OTOGL: variants seen among roughly 807,000 people sequenced by gnomAD.
The protein encoded by OTOGL is otogelin-like protein.
In OTOGL, 285 loss-of-function variants were observed where a neutral mutation model predicts 318.5. That is an observed-to-expected ratio of 0.89 (90% CI 0.81 to 0.99). The LOEUF is 0.99. Ranked by LOEUF, OTOGL falls within the 50% of genes least tolerant of loss-of-function variation. The pLI, the probability that OTOGL is intolerant of heterozygous loss-of-function variation, is 0.00. For missense variants in OTOGL, 2,899 were observed against 2,845.6 expected (o/e 1.02, Z -0.43); for synonymous variants, 987 against 936.5 (o/e 1.05, Z -0.99).
At chr12:80,140,591 CCTGATGATCTTG>C (rs1196344671) in intron 1 of OTOGL, among the ~76,000 whole-genome samples, 4 of 152,174 alleles carry the variant, frequency 2.6e-5, no homozygotes, top group Non-Finnish European at 5.9e-5. Context: ...CCATTAACTA[CCTGATGATCTTG>C]GGCAAGTTAC....
chr12:80,303,740 T>C (rs1201271875), intron 28 of OTOGL, among the ~76,000 whole-genome samples: 1 of 152,114 alleles, frequency 6.6e-6, no homozygotes, highest in Non-Finnish European at 1.5e-5. Context: ...TTTTTAACCA[T>C]CAGGTGTCAT....
chr12:80,320,305 CT>C, intron 33 of OTOGL, 116 bp from the exon 34 acceptor site: 1 of 907,786 alleles, frequency 1.1e-6, no homozygotes, highest in Non-Finnish European at 1.5e-6. Flanking sequence ...GTTATTGGCA[CT>C]AATTATGTTT....
Position 80,249,816 on chromosome 12 carries a change from G to A in OTOGL, c.1053-1877G>A, listed in dbSNP as rs1034428891. Among the ~76,000 whole-genome samples, 52 of 152,200 alleles carry A rather than the reference G, an allele frequency of 3.4e-4. No homozygotes were observed. The Middle Eastern group carries it at 0.017, about 50-fold the overall frequency. On this transcript the variant is annotated intron_variant, in intron 11 of 58. Coordinates refer to ENST00000547103, the MANE Select transcript of OTOGL (RefSeq NM_001378609.3). ...AGACTGCTGTACTAGCAATCAGTGA[G>A]ACTCCGTGGGCGTAGGACCCTCCGA...
intron 1 of OTOGL, among the ~76,000 whole-genome samples, chr12:80,146,775 G>A (rs1872396482): frequency 6.6e-6 from 1 of 150,982 alleles, no homozygotes. Context: ...CTTCTTCCTG[G>A]TTTAGTCTTG....
intron 19 of OTOGL, 57 bp downstream of exon 19, chr12:80,262,150 A>G (rs1471368498): frequency 3.5e-6 from 5 of 1,443,156 alleles, no homozygotes; most frequent in South Asian, 1.5e-5. Context: ...AGTTCTATGT[A>G]TTACTATAAT....
chr12:80,358,901 G>C lies in OTOGL; in HGVS notation c.6267+1G>C. Reference sequence around the variant, plus strand: ...CCTTATTATGCCAACTTGTGAAGTGGTAAGAACACATATTTTGATTGACTT... The same window carrying C: ...CCTTATTATGCCAACTTGTGAAGTGCTAAGAACACATATTTTGATTGACTT... On this transcript the variant is annotated splice_donor_variant, in intron 52 of 58. Coordinates refer to ENST00000547103, the MANE Select transcript of OTOGL (RefSeq NM_001378609.3). LOFTEE classifies it high-confidence loss of function. 1 of 1,485,420 alleles carries C rather than the reference G, an allele frequency of 6.7e-7. No homozygotes were observed. Among genetic ancestry groups the C allele is most frequent in the Non-Finnish European group, 9.1e-7 (1 of 1,103,848 alleles). The allele number at this position is 1,485,420 out of a possible 1,614,324, so 92.0% of individuals were successfully genotyped here.
chr12:80,130,147 A>G (rs1247910126), intron 1 of OTOGL, among the ~76,000 whole-genome samples: 1 of 152,134 alleles, frequency 6.6e-6, no homozygotes, highest in African/African-American at 2.4e-5. Flanking sequence ...TCATTATAAA[A>G]CTACTGCCAA....
intron 44 of OTOGL, among the ~76,000 whole-genome samples, chr12:80,349,135 A>C (rs1027790200): frequency 6.6e-6 from 1 of 152,064 alleles, no homozygotes; most frequent in African/African-American, 2.4e-5. Flanking sequence ...CGTGTGCATC[A>C]TCAGAGTAAA....
At chr12:80,298,290 G>A (rs1185664525) in intron 27 of OTOGL, among the ~76,000 whole-genome samples, 1 of 152,024 alleles carries the variant, frequency 6.6e-6, no homozygotes, top group Non-Finnish European at 1.5e-5. Flanking sequence ...AGAAACCTGG[G>A]GTGCTTAGGG....
In OTOGL at chr12:80,122,098, A is replaced by T. The variant is rs56197588; in HGVS notation, c.-20+22493A>T. ...TTTTTGATTAAGAAAAATACCACAA[A>T]AAATGAACAATTGCCAAATCCATCC... On this transcript the variant is annotated intron_variant, in intron 1 of 58. Transcript: ENST00000547103. Among the ~76,000 whole-genome samples the T allele has an allele frequency of 4.7e-3, 723 of 152,298 alleles. 5 individuals carry two copies. The highest frequency in any genetic ancestry group is 0.017 in the African/African-American group (689 of 41,562).
chr12:80,139,401 G>A (rs1274154427), intron 1 of OTOGL, among the ~76,000 whole-genome samples: 1 of 152,078 alleles, frequency 6.6e-6, no homozygotes, highest in Non-Finnish European at 1.5e-5. Context: ...CTTACACATT[G>A]GTTTCTCCCA....
chr12:80,183,461 A>C (rs1017188871), intron 1 of OTOGL, among the ~76,000 whole-genome samples: 8 of 152,182 alleles, frequency 5.3e-5, no homozygotes, highest in Admixed American at 4.6e-4. Context: ...TGGATAATAG[A>C]GATAGAATCA....
chr12:80,128,154 T>C (rs1226729615), intron 1 of OTOGL, among the ~76,000 whole-genome samples: 2 of 152,220 alleles, frequency 1.3e-5, no homozygotes, highest in Non-Finnish European at 2.9e-5. Flanking sequence ...CTCTGTTTTT[T>C]CCCCATCTTT....
chr12:80,107,932 A>G (rs887533034), intron 1 of OTOGL, among the ~76,000 whole-genome samples: 1 of 152,004 alleles, frequency 6.6e-6, no homozygotes, highest in Non-Finnish European at 1.5e-5. Flanking sequence ...AATAACAGAC[A>G]CTGGGGCCTA....
At chr12:80,162,738 T>C (rs527302305) in intron 1 of OTOGL, among the ~76,000 whole-genome samples, 28 of 152,222 alleles carry the variant, frequency 1.8e-4, no homozygotes, top group Admixed American at 5.2e-4. Flanking sequence ...CCTGGTCCCA[T>C]TTTAATTTAA....
chr12:80,328,217 G>A (rs1419286013), intron 35 of OTOGL, among the ~76,000 whole-genome samples: 2 of 151,942 alleles, frequency 1.3e-5, no homozygotes, highest in Admixed American at 6.6e-5. Context: ...TACTCAGGAG[G>A]CTGAGGTGGG....
At chr12:80,143,002 C>T (rs1872055212) in intron 1 of OTOGL, among the ~76,000 whole-genome samples, 5 of 151,998 alleles carry the variant, frequency 3.3e-5, no homozygotes, top group Admixed American at 2.6e-4. Flanking sequence ...GGCATATGTG[C>T]AAGAGGTGGG....
intron 1 of OTOGL, among the ~76,000 whole-genome samples, chr12:80,136,746 T>G (rs1871596579): frequency 6.6e-6 from 1 of 152,208 alleles, no homozygotes; most frequent in African/African-American, 2.4e-5. Flanking sequence ...ATCTTCATCC[T>G]ATTCCAACCC....
intron 57 of OTOGL, among the ~76,000 whole-genome samples, chr12:80,375,427 C>T (rs1367576136): frequency 6.6e-6 from 1 of 152,082 alleles, no homozygotes; most frequent in East Asian, 1.9e-4. Flanking sequence ...GGAGTGTGCT[C>T]ATTATCAAGA....
Sources: allele counts gnomAD v4.1 joint callset (sites outside exome capture counted in the v4.1 genomes callset), GRCh38; gene constraint gnomAD v4.1.1; transcripts MANE v1.5; gene names NCBI Gene and HGNC (gene_info 2026-07-23, HGNC 2026-07-21).